The following MTUS2 variants were observed in gnomAD, a reference collection of about 807,000 sequenced individuals.
MTUS2 encodes microtubule associated scaffold protein 2.
Under a neutral mutation model 114.1 loss-of-function variants are expected in MTUS2, and 40 were observed. The observed-to-expected ratio is 0.35, with a 90% CI of 0.27 to 0.46. The LOEUF (loss-of-function observed/expected upper bound fraction) is 0.46, where lower values mean the gene tolerates loss of function less well. MTUS2 is among the 20% of genes least tolerant of loss of function. MTUS2 has a pLI of 1.00. For synonymous variants in MTUS2, 688 were observed against 672.0 expected (o/e 1.02, Z -0.37); for missense variants, 1,679 against 1,705.4 (o/e 0.98, Z 0.27).
chr13:29,182,032 G>A (rs559959833), intron 5 of MTUS2, among the ~76,000 whole-genome samples: 7 of 152,128 alleles, frequency 4.6e-5, no homozygotes, highest in Non-Finnish European at 7.4e-5. Flanking sequence ...GCTTAAATTA[G>A]TTAAATATGT....
chr13:29,040,088 A>C (rs989362422), intron 4 of MTUS2, among the ~76,000 whole-genome samples: 2 of 152,192 alleles, frequency 1.3e-5, no homozygotes, highest in Non-Finnish European at 2.9e-5. Context: ...TGTACACTGC[A>C]CCTGATGTGT....
chr13:29,404,192 A>AAAG (rs60381516), intron 8 of MTUS2, among the ~76,000 whole-genome samples: 8 of 149,944 alleles, frequency 5.3e-5, no homozygotes, highest in African/African-American at 2.0e-4. Context: ...AAAAAAAAAA[A>AAAG]GTACAAAAAT....
At chr13:29,375,555 AT>A (rs1566163254) in intron 8 of MTUS2, among the ~76,000 whole-genome samples, 225 of 5,968 alleles carry the variant, frequency 0.038, 32 homozygotes, top group African/African-American at 0.071. Context: ...ATATATATAT[AT>A]ACGTATATAT....
At chr13:29,483,672 G>T (rs1285595512) in intron 10 of MTUS2, among the ~76,000 whole-genome samples, 1 of 152,128 alleles carries the variant, frequency 6.6e-6, no homozygotes, top group African/African-American at 2.4e-5. Flanking sequence ...ACCTGAGGGG[G>T]TGGTGTTGCC....
At chr13:28,824,228 C>T (rs960944971) in intron 1 of MTUS2, among the ~76,000 whole-genome samples, 1 of 152,148 alleles carries the variant, frequency 6.6e-6, no homozygotes, top group Non-Finnish European at 1.5e-5. Flanking sequence ...TTTGTTAGAT[C>T]GTTTATTAAA....
intron 5 of MTUS2, among the ~76,000 whole-genome samples, chr13:29,176,010 A>G (rs545315226): frequency 6.7e-6 from 1 of 149,854 alleles, no homozygotes; most frequent in East Asian, 2.0e-4. Context: ...CATAAAGAGG[A>G]TTTTTTTTTT....
intron 2 of MTUS2, among the ~76,000 whole-genome samples, chr13:28,940,899 G>A (rs1349960032): frequency 6.6e-6 from 1 of 152,010 alleles, no homozygotes; most frequent in African/African-American, 2.4e-5. Flanking sequence ...AGTAATGTTT[G>A]AAGAGATAAT....
intron 5 of MTUS2, among the ~76,000 whole-genome samples, chr13:29,164,651 C>T (rs1250528255): frequency 2.0e-5 from 3 of 151,912 alleles, no homozygotes; most frequent in Non-Finnish European, 4.4e-5. Flanking sequence ...TGGGAGCCCA[C>T]AAAGAGAAAA....
chr13:29,407,651 G>A (rs961959005), intron 8 of MTUS2, among the ~76,000 whole-genome samples: 5 of 151,646 alleles, frequency 3.3e-5, no homozygotes, highest in Non-Finnish European at 7.4e-5. Flanking sequence ...CTAACTTTTT[G>A]TTTTTTTAGT....
At chr13:29,236,084 G>A (rs1896524745) in intron 5 of MTUS2, among the ~76,000 whole-genome samples, 1 of 151,934 alleles carries the variant, frequency 6.6e-6, no homozygotes, top group East Asian at 1.9e-4. Flanking sequence ...GGTATATTGA[G>A]TTTTTTTCCT....
chr13:29,104,981 A>G (rs1478884124), intron 5 of MTUS2, among the ~76,000 whole-genome samples: 2 of 152,318 alleles, frequency 1.3e-5, no homozygotes, highest in East Asian at 1.9e-4. Flanking sequence ...CTATTACCTA[A>G]TGTGTATAGG....
At chr13:29,365,510 T>TGTGTGTGTGTGTGTGTGTGTG (rs141144487) in intron 8 of MTUS2, among the ~76,000 whole-genome samples, 1 of 146,822 alleles carries the variant, frequency 6.8e-6, no homozygotes, top group African/African-American at 2.5e-5. Flanking sequence ...TTGTTTGGGT[T>TGTGTGTGTGTGTGTGTGTGTG]TGTGTGTGTG....
At chr13:29,128,954 A>G (rs553243576) in intron 5 of MTUS2, among the ~76,000 whole-genome samples, 1 of 152,356 alleles carries the variant, frequency 6.6e-6, no homozygotes, top group East Asian at 1.9e-4. Context: ...TGTGCATCAA[A>G]GGATGACCCT....
At chr13:29,492,752 C>A (rs371444660) in intron 12 of MTUS2, 33 bp downstream of exon 12, 128 of 1,517,958 alleles carry the variant, frequency 8.4e-5, no homozygotes, top group Non-Finnish European at 1.8e-6. Context: ...TACCTGGTAT[C>A]GAGATAATGG....
intron 5 of MTUS2, among the ~76,000 whole-genome samples, chr13:29,124,164 G>A (rs1440399165): frequency 6.6e-6 from 1 of 152,152 alleles, no homozygotes; most frequent in East Asian, 1.9e-4. Context: ...TTCTATTTTA[G>A]GACTAGGCAT....
At chr13:28,903,042 TGTG>T (rs1280002348) in intron 2 of MTUS2, among the ~76,000 whole-genome samples, 1 of 152,128 alleles carries the variant, frequency 6.6e-6, no homozygotes. Flanking sequence ...TGGATTGAGT[TGTG>T]GTAATTTGCG....
At chr13:28,987,081 C>T (rs577846445) in intron 2 of MTUS2, among the ~76,000 whole-genome samples, 8 of 152,276 alleles carry the variant, frequency 5.3e-5, no homozygotes, top group African/African-American at 1.4e-4. Context: ...ATAATTGACC[C>T]CAAATCACAG....
intron 5 of MTUS2, among the ~76,000 whole-genome samples, chr13:29,241,930 T>G (rs1272610396): frequency 6.6e-6 from 1 of 152,180 alleles, no homozygotes; most frequent in Non-Finnish European, 1.5e-5. Flanking sequence ...CTGTATGTGC[T>G]GCCTTGCCTG....
intron 5 of MTUS2, among the ~76,000 whole-genome samples, chr13:29,239,022 G>A (rs1896637542): frequency 6.6e-6 from 1 of 152,120 alleles, no homozygotes; most frequent in Non-Finnish European, 1.5e-5. Flanking sequence ...ATAAGTTCTG[G>A]AGATCTAACG....
Sources: allele counts gnomAD v4.1 joint callset (sites outside exome capture counted in the v4.1 genomes callset), GRCh38; gene constraint gnomAD v4.1.1; transcripts MANE v1.5; gene names NCBI Gene and HGNC (gene_info 2026-07-23, HGNC 2026-07-21).